The following PHYH variants were observed in gnomAD, a reference collection of about 807,000 sequenced individuals.
The protein encoded by PHYH is phytanoyl-CoA 2-hydroxylase, also known as phytanoyl-CoA dioxygenase, peroxisomal.
PHYH carries 32 observed loss-of-function variants against 38.5 expected under a neutral mutation model. The observed-to-expected ratio is 0.83, with a 90% CI of 0.63 to 1.12. The LOEUF is 1.12. Among genes scored for constraint, PHYH ranks in the 50% most tolerant of loss-of-function variants. The pLI, the probability that PHYH is intolerant of heterozygous loss-of-function variation, is 0.00. For missense variants in PHYH, 426 were observed against 434.8 expected, an observed-to-expected ratio of 0.98 and a Z score of 0.18; for synonymous variants, 166 against 157.9, an observed-to-expected ratio of 1.05 and a Z score of -0.38.
intron 6 of PHYH, among the ~76,000 whole-genome samples, chr10:13,286,110 C>T (rs1835542478): frequency 6.6e-6 from 1 of 152,036 alleles, no homozygotes; most frequent in African/African-American, 2.4e-5. Flanking sequence ...TGAGACCTCA[C>T]CGTGTTGCCC....
intron 2 of PHYH, among the ~76,000 whole-genome samples, chr10:13,296,767 T>A (rs949307547): frequency 6.6e-6 from 1 of 150,658 alleles, no homozygotes; most frequent in Non-Finnish European, 1.5e-5. Flanking sequence ...CCATCCTGGC[T>A]AACACGGTGA....
At chr10:13,290,014 A>C (rs1835665791) in intron 5 of PHYH, among the ~76,000 whole-genome samples, 1 of 150,000 alleles carries the variant, frequency 6.7e-6, no homozygotes, top group Non-Finnish European at 1.5e-5. Flanking sequence ...CACGCCGGTA[A>C]TCCCAGCACT....
At chr10:13,297,676 G>C (rs1389826404) in intron 2 of PHYH, among the ~76,000 whole-genome samples, 6 of 151,906 alleles carry the variant, frequency 3.9e-5, no homozygotes, top group African/African-American at 1.4e-4. Flanking sequence ...TGGCCAGGCT[G>C]GTCTCGAACT....
intron 1 of PHYH, among the ~76,000 whole-genome samples, chr10:13,298,684 G>A (rs1832642409): frequency 1.3e-5 from 2 of 149,530 alleles, no homozygotes; most frequent in African/African-American, 4.9e-5. Flanking sequence ...CTGGGCAACA[G>A]AGAGAGACTC....
chr10:13,283,361 C>T (rs1445479103), intron 7 of PHYH, among the ~76,000 whole-genome samples: 2 of 151,998 alleles, frequency 1.3e-5, no homozygotes, highest in Admixed American at 6.6e-5. Flanking sequence ...GATCTCCTGA[C>T]CTCGTGATCC....
intron 5 of PHYH, among the ~76,000 whole-genome samples, chr10:13,290,908 C>T (rs2131644491): frequency 6.6e-6 from 1 of 152,112 alleles, no homozygotes; most frequent in Admixed American, 6.6e-5. Context: ...ACCAGCCTGA[C>T]CAACATGGCG....
At chr10:13,280,247 G>A (rs960971960) in intron 8 of PHYH, among the ~76,000 whole-genome samples, 5 of 152,124 alleles carry the variant, frequency 3.3e-5, no homozygotes, top group Admixed American at 6.5e-5. Context: ...GATTACAGGC[G>A]TGAGCCACCT....
intron 1 of PHYH, 91 bp from the exon 2 acceptor site, chr10:13,298,336 G>A: frequency 1.3e-6 from 1 of 782,644 alleles, no homozygotes; most frequent in Non-Finnish European, 2.3e-6. Flanking sequence ...GGAGGCTGAG[G>A]CAGGAGGATT....
At chr10:13,286,634 G>A (rs973929148) in intron 6 of PHYH, among the ~76,000 whole-genome samples, 4 of 151,406 alleles carry the variant, frequency 2.6e-5, no homozygotes, top group African/African-American at 9.7e-5. Context: ...AAGGGAGTCG[G>A]AGGTTGCAGT....
At chr10:13,285,846 C>T (rs1209899006) in intron 6 of PHYH, among the ~76,000 whole-genome samples, 6 of 151,918 alleles carry the variant, frequency 3.9e-5, no homozygotes, top group African/African-American at 7.3e-5. Flanking sequence ...TCAAGTGATC[C>T]GCCCACCTCA....
rs1454371975 is a variant in PHYH, at chr10:13,283,691, T to G, written c.827A>C (p.Lys276Thr). 1.2e-6 allele frequency: 2 copies of G among 1,614,020 alleles called. No homozygotes were observed. The highest frequency in any genetic ancestry group is 2.7e-5 in the African/African-American group (2 of 74,932). Residue 276 changes from lysine (K) to threonine (T), a missense_variant and splice_region_variant, in exon 7 of 9, where the codon AAG becomes ACG. Physicochemically the swap from Lys to Thr is moderately conservative, Grantham distance 78. Coordinates refer to ENST00000263038, the MANE Select transcript of PHYH (RefSeq NM_006214.4). ...SGQNKTQGFR[K>T]AISCHFASAD... The stretch of plus-strand genomic sequence containing the variant: ...AGGTGCAGCAATGTGAATGCTTACC[T>G]TCCGGAATCCCTGGGTTTTATTCTG...
intron 6 of PHYH, among the ~76,000 whole-genome samples, chr10:13,287,346 AAAACAAAACAC>A (rs1835578164): frequency 6.6e-6 from 1 of 152,120 alleles, no homozygotes; most frequent in Non-Finnish European, 1.5e-5. Context: ...AAAACAAAAC[AAAACAAAACAC>A]AACAAAAAAA....
In PHYH at chr10:13,288,496, A is replaced by T; in HGVS notation, c.542T>A (p.Phe181Tyr). The T allele has an allele frequency of 6.2e-7, 1 of 1,614,194 alleles. No individual in the cohort carries two copies. Residue 181 changes from phenylalanine (F) to tyrosine (Y), a missense_variant, in exon 6 of 9, where the codon TTC (phenylalanine) becomes TAC (tyrosine). By Grantham distance (22) the Phe-to-Tyr change is conservative. Transcript: ENST00000263038. ...RHPLHQDLHY[F>Y]PFRPSDLIVC... ...GATGAGATCGCTGGGCCTGAAGGGG[A>T]AATAGTGCAGGTCCTGGTGCAGGGG...
chr10:13,287,156 T>G (rs11258307), intron 6 of PHYH, among the ~76,000 whole-genome samples: 25,001 of 151,896 alleles, frequency 0.16, 2,191 homozygotes, highest in African/African-American at 0.22. Context: ...CTGGCCAACA[T>G]AGTGAAATCC....
chr10:13,282,662 C>T (rs994472808), intron 7 of PHYH, among the ~76,000 whole-genome samples: 1 of 150,900 alleles, frequency 6.6e-6, no homozygotes, highest in Non-Finnish European at 1.5e-5. Flanking sequence ...TGATTTGTGT[C>T]GTTGTGCCTG....
intron 6 of PHYH, among the ~76,000 whole-genome samples, chr10:13,284,804 G>A (rs919243015): frequency 6.6e-6 from 1 of 152,124 alleles, no homozygotes; most frequent in African/African-American, 2.4e-5. Context: ...TCAGGGTAAG[G>A]GAAGCAGCCC....
intron 8 of PHYH, 120 bp from the exon 9 acceptor site, chr10:13,278,474 A>T: frequency 1.3e-6 from 1 of 749,002 alleles, no homozygotes; most frequent in Non-Finnish European, 2.4e-6. Context: ...ACATAGGGAA[A>T]ATAATCCCTG....
intron 2 of PHYH, among the ~76,000 whole-genome samples, chr10:13,297,758 G>A (rs563654293): frequency 4.7e-5 from 7 of 150,094 alleles, no homozygotes; most frequent in South Asian, 2.2e-4. Flanking sequence ...CACGGTGCCC[G>A]GCCACAAGTT....
chr10:13,291,104 C>CAAAAAAAAAA lies in PHYH; in HGVS notation c.496+717_496+726dup, dbSNP rs367712215. On this transcript the variant is annotated intron_variant, in intron 5 of 8. Coordinates refer to ENST00000263038, the MANE Select transcript of PHYH (RefSeq NM_006214.4). ...GGGCAACAAGAGCAAAACTCCATCTCAAAAAAAAAAAAAAAAAAAAAAAAG... is the reference window on the plus strand; with the variant it reads ...GGGCAACAAGAGCAAAACTCCATCTCAAAAAAAAAAAAAAAAAAAAAAAAAAAAAAAAAAG... Among the ~76,000 whole-genome samples, 52 of 76,336 alleles carry CAAAAAAAAAA rather than the reference C, an allele frequency of 6.8e-4. 1 individual carries two copies. The highest frequency in any genetic ancestry group is 1.1e-3 in the Non-Finnish European group (47 of 41,954). 50.1% of individuals were successfully genotyped at this position (76,336 alleles called of 152,430 possible).
Sources: allele counts gnomAD v4.1 joint callset (sites outside exome capture counted in the v4.1 genomes callset), GRCh38; gene constraint gnomAD v4.1.1; transcripts MANE v1.5; gene names NCBI Gene and HGNC (gene_info 2026-07-23, HGNC 2026-07-21).